The following DGKB variants were observed in gnomAD, a reference collection of about 807,000 sequenced individuals.
DGKB encodes the protein diacylglycerol kinase beta.
DGKB carries 67 observed loss-of-function variants against 114.3 expected under a neutral mutation model. That is an observed-to-expected ratio of 0.59 (90% CI 0.48 to 0.72). The LOEUF is 0.72. Ranked by LOEUF, DGKB falls within the 30% of genes least tolerant of loss-of-function variation. The probability of loss-of-function intolerance (pLI) is 0.00; values close to 1 mark genes in which losing one functional copy is unlikely to be tolerated. For synonymous variants in DGKB, 398 were observed against 323.1 expected (o/e 1.23, Z -2.49); for missense variants, 907 against 975.2 (o/e 0.93, Z 0.93).
chr7:14,489,971 T>G (rs1784379352), intron 20 of DGKB, among the ~76,000 whole-genome samples: 1 of 152,146 alleles, frequency 6.6e-6, no homozygotes, highest in Admixed American at 6.6e-5. Flanking sequence ...CTAGAAATAA[T>G]ATAACTTTCA....
rs1301926148 is a variant in DGKB, at chr7:14,839,458, G to A, written c.70+1736C>T. On this transcript the variant is annotated intron_variant, in intron 2 of 25. Transcript: ENST00000402815. ...GTCTGGCTGTCAGCCATGGTAGAGT[G>A]CAGTGGCACAATGGCTCACTGCAGC... Among the ~76,000 whole-genome samples the A allele has an allele frequency of 2.8e-5, 4 of 141,696 alleles. No individual in the cohort carries two copies. In the East Asian group the frequency reaches 6.2e-4, roughly 22 times the overall value. 93.0% of individuals were successfully genotyped at this position (141,696 alleles called of 152,430 possible). A position where few individuals can be genotyped will look rare whatever the true frequency, so the allele number is the denominator to read the frequency against.
At chr7:14,588,395 C>T (rs1263003678) in intron 17 of DGKB, among the ~76,000 whole-genome samples, 1 of 151,940 alleles carries the variant, frequency 6.6e-6, no homozygotes, top group Admixed American at 6.6e-5. Context: ...GTAGTCAGTA[C>T]CTTAACTAGT....
At chr7:14,274,603 A>G (rs1217355910) in intron 23 of DGKB, among the ~76,000 whole-genome samples, 7 of 152,230 alleles carry the variant, frequency 4.6e-5, no homozygotes, top group Admixed American at 4.6e-4. Context: ...ACTGAATGAC[A>G]TAACAATAAA....
intron 13 of DGKB, among the ~76,000 whole-genome samples, chr7:14,659,157 G>C (rs534392801): frequency 4.6e-5 from 7 of 151,732 alleles, no homozygotes; most frequent in East Asian, 1.9e-4. Flanking sequence ...ATTCTTAAAG[G>C]CTCATCAGAT....
At chr7:14,195,403 G>A (rs185094402) in intron 23 of DGKB, among the ~76,000 whole-genome samples, 7 of 152,232 alleles carry the variant, frequency 4.6e-5, no homozygotes, top group Admixed American at 3.9e-4. Flanking sequence ...TGCCAGCTAA[G>A]GGGATGAAGT....
intron 2 of DGKB, among the ~76,000 whole-genome samples, chr7:14,834,870 C>T (rs1449183568): frequency 6.6e-6 from 1 of 152,052 alleles, no homozygotes; most frequent in African/African-American, 2.4e-5. Flanking sequence ...AGTTTTGCAT[C>T]TTTAGGGTAC....
intron 7 of DGKB, among the ~76,000 whole-genome samples, chr7:14,699,053 A>G (rs1240745197): frequency 6.6e-6 from 1 of 152,130 alleles, no homozygotes; most frequent in East Asian, 1.9e-4. Flanking sequence ...GAGAAGAAAT[A>G]CGATAAAACA....
chr7:14,583,587 T>C (rs1056332721), intron 17 of DGKB, among the ~76,000 whole-genome samples: 7 of 152,232 alleles, frequency 4.6e-5, no homozygotes, highest in African/African-American at 1.7e-4. Context: ...AACAATGTTC[T>C]ACTTTCTCCA....
At chr7:14,556,107 T>G (rs1298572217) in intron 20 of DGKB, among the ~76,000 whole-genome samples, 1 of 152,208 alleles carries the variant, frequency 6.6e-6, no homozygotes, top group East Asian at 1.9e-4. Flanking sequence ...TTGGGACTCC[T>G]TTCCGGTAAC....
intron 5 of DGKB, among the ~76,000 whole-genome samples, chr7:14,734,870 A>G (rs1831474233): frequency 6.6e-6 from 1 of 152,060 alleles, no homozygotes; most frequent in Non-Finnish European, 1.5e-5. Context: ...ACTGCTGAAG[A>G]CATTTCTTCA....
chr7:14,873,886 CTT>C (rs1852854453), intron 1 of DGKB, among the ~76,000 whole-genome samples: 1 of 151,918 alleles, frequency 6.6e-6, no homozygotes, highest in Non-Finnish European at 1.5e-5. Context: ...TTGGTATCCT[CTT>C]TGTAAAATAT....
intron 1 of DGKB, among the ~76,000 whole-genome samples, chr7:14,841,735 G>A (rs1847961682): frequency 6.6e-6 from 1 of 152,012 alleles, no homozygotes; most frequent in Non-Finnish European, 1.5e-5. Context: ...TATCCAAGGA[G>A]GCTAAAATAA....
intron 1 of DGKB, among the ~76,000 whole-genome samples, chr7:14,902,337 G>A (rs1783225631): frequency 6.6e-6 from 1 of 152,278 alleles, no homozygotes; most frequent in African/African-American, 2.4e-5. Flanking sequence ...TATCAGTTAT[G>A]TTGCCCAAAA....
At chr7:14,764,074 C>T (rs1836104523) in intron 2 of DGKB, among the ~76,000 whole-genome samples, 1 of 151,800 alleles carries the variant, frequency 6.6e-6, no homozygotes, top group Non-Finnish European at 1.5e-5. Context: ...AAAAGATATT[C>T]GTGGTATAGA....
chr7:14,318,418 A>G (rs1479584666), intron 23 of DGKB, among the ~76,000 whole-genome samples: 7 of 152,214 alleles, frequency 4.6e-5, no homozygotes, highest in Admixed American at 3.3e-4. Flanking sequence ...AGAATTTACA[A>G]TGAACTCAAA....
intron 20 of DGKB, among the ~76,000 whole-genome samples, chr7:14,529,416 A>G (rs1182920372): frequency 3.3e-5 from 5 of 151,878 alleles, no homozygotes; most frequent in Middle Eastern, 3.2e-3. Context: ...ATAAATAACT[A>G]CTTTTTTCTT....
chr7:14,568,585 C>T (rs1172412552), intron 20 of DGKB, among the ~76,000 whole-genome samples: 2 of 152,182 alleles, frequency 1.3e-5, no homozygotes. Flanking sequence ...CGATTGACAA[C>T]ATAGAGCAGA....
chr7:14,174,440 G>A (rs1781435399), intron 25 of DGKB, among the ~76,000 whole-genome samples: 1 of 152,162 alleles, frequency 6.6e-6, no homozygotes, highest in South Asian at 2.1e-4. Flanking sequence ...TACCATAGCT[G>A]TGACCGCTTC....
chr7:14,791,187 A>G (rs1306069449), intron 2 of DGKB, among the ~76,000 whole-genome samples: 1 of 152,040 alleles, frequency 6.6e-6, no homozygotes, highest in East Asian at 1.9e-4. Context: ...ACTTACATCT[A>G]AGTATTTTGG....
Sources: allele counts gnomAD v4.1 joint callset (sites outside exome capture counted in the v4.1 genomes callset), GRCh38; gene constraint gnomAD v4.1.1; transcripts MANE v1.5; gene names NCBI Gene and HGNC (gene_info 2026-07-23, HGNC 2026-07-21).